The following FAM135A variants were observed in gnomAD, a reference collection of about 807,000 sequenced individuals.
FAM135A encodes the protein protein FAM135A.
FAM135A carries 79 observed loss-of-function variants against 146.8 expected under a neutral mutation model. The ratio of observed to expected loss-of-function variants is 0.54; its 90% confidence interval spans 0.45 to 0.65. FAM135A has a LOEUF of 0.65. Among genes scored for constraint, FAM135A ranks in the 30% least tolerant of loss-of-function variants. FAM135A has a pLI of 0.00. For missense variants in FAM135A, 1,623 were observed against 1,758.2 expected (o/e 0.92, Z 1.38); for synonymous variants, 562 against 603.6 (o/e 0.93, Z 1.01).
rs1156749990 is a variant in FAM135A, at chr6:70,525,444, T to C, written c.2360T>C (p.Leu787Ser). The change falls in exon 15 of 22, where the codon TTA becomes TCA. Residue 787 changes from leucine (L) to serine (S), a missense_variant. Leu to Ser is a moderately radical substitution (Grantham distance 145). Coordinates refer to ENST00000418814, the MANE Select transcript of FAM135A (RefSeq NM_001162529.3). ...TTTGCGACACATCCAAACACTGATTTAGTCTTTGAAACTGTGCAAGGGCAA... is the reference window on the plus strand; with the variant it reads ...TTTGCGACACATCCAAACACTGATTCAGTCTTTGAAACTGTGCAAGGGCAA... ...SSFATHPNTD[L>S]VFETVQGQGP... is the part of the protein sequence containing the mutation. The C allele has an allele frequency of 6.2e-7, 1 of 1,613,602 alleles. No individual in the cohort carries two copies. The highest frequency in any genetic ancestry group is 2.2e-5 in the East Asian group (1 of 44,862).
At chr6:70,518,076 G>A (rs1057411656) in intron 12 of FAM135A, among the ~76,000 whole-genome samples, 7 of 152,186 alleles carry the variant, frequency 4.6e-5, no homozygotes, top group Non-Finnish European at 7.3e-5. Flanking sequence ...TAGACTGCAA[G>A]GTAGGTCTCT....
intron 5 of FAM135A, among the ~76,000 whole-genome samples, chr6:70,458,632 G>A (rs1778830089): frequency 6.6e-6 from 1 of 152,082 alleles, no homozygotes; most frequent in Non-Finnish European, 1.5e-5. Context: ...AGTATTTCAT[G>A]CCAGTTTACC....
chr6:70,529,466 A>G, intron 16 of FAM135A, among the ~76,000 whole-genome samples: 1 of 151,366 alleles, frequency 6.6e-6, no homozygotes, highest in East Asian at 1.9e-4. Flanking sequence ...CAGACTCTCA[A>G]GAAATAAAAT....
rs371227539 is a variant in FAM135A at position 70,430,447 on chromosome 6, G to A, written c.77+2028G>A. Reference sequence around the variant, plus strand: ...CAAGCAAGTCACAGTGCGAGGTCACGAGTCAGGCTGGTGGCTTTTTGGCCA... The same window carrying A: ...CAAGCAAGTCACAGTGCGAGGTCACAAGTCAGGCTGGTGGCTTTTTGGCCA... On this transcript the variant is annotated intron_variant, in intron 4 of 21. Transcript: ENST00000418814. Among the ~76,000 whole-genome samples the A allele has an allele frequency of 1.1e-3, 169 of 152,298 alleles. 3 individuals are homozygous for A. The highest frequency in any genetic ancestry group is 3.4e-4 in the Non-Finnish European group (23 of 68,016).
chr6:70,483,802 A>C (rs1487066782), intron 10 of FAM135A, among the ~76,000 whole-genome samples: 1 of 152,226 alleles, frequency 6.6e-6, no homozygotes, highest in African/African-American at 2.4e-5. Flanking sequence ...TGTCATTTCT[A>C]CAAAAAAACC....
chr6:70,434,593 A>C (rs1037276898), intron 4 of FAM135A, among the ~76,000 whole-genome samples: 16 of 152,204 alleles, frequency 1.1e-4, no homozygotes, highest in Admixed American at 8.5e-4. Context: ...ACAAAAATGC[A>C]CCCGTCTGTG....
chr6:70,560,915 T>C lies in FAM135A; in HGVS notation c.*994T>C, dbSNP rs1028203784. ...TTGGTGATACAGATGCAAATGTTTT[T>C]GATATATGGAGATGTTGAGTCTTTT... On this transcript the variant is annotated 3_prime_UTR_variant, in exon 22 of 22. Coordinates refer to ENST00000418814, the MANE Select transcript of FAM135A (RefSeq NM_001162529.3). The C allele has an allele frequency of 6.6e-6, 1 of 152,584 alleles. No homozygotes were observed. The highest frequency in any genetic ancestry group is 1.5e-5 in the Non-Finnish European group (1 of 67,986). The allele number at this position is 152,584 out of a possible 1,614,324, so 9.5% of individuals were successfully genotyped here. A position where few individuals can be genotyped will look rare whatever the true frequency, so the allele number is the denominator to read the frequency against.
At chr6:70,504,293 G>A (rs1193876912) in intron 12 of FAM135A, 1 of 152,148 alleles carries the variant, frequency 6.6e-6, no homozygotes, top group Non-Finnish European at 1.5e-5. Flanking sequence ...CTATTCTAAT[G>A]TTTTGCCCAT....
Position 70,528,680 on chromosome 6 carries a change from C to G in FAM135A, c.3775+228C>G, listed in dbSNP as rs116263753. Reference sequence around the variant, plus strand: ...TTTCCATGGAACTGACACTCATGTGCCAACATTTTGTTTAATTTGGGATTT... The same window carrying G: ...TTTCCATGGAACTGACACTCATGTGGCAACATTTTGTTTAATTTGGGATTT... On this transcript the variant is annotated intron_variant, in intron 16 of 21. Transcript: ENST00000418814. Among the ~76,000 whole-genome samples, 464 of 140,056 alleles carry G rather than the reference C, an allele frequency of 3.3e-3. 1 individual carries two copies. The highest frequency in any genetic ancestry group is 0.012 in the African/African-American group (418 of 36,324). 91.9% of individuals were successfully genotyped at this position (140,056 alleles called of 152,430 possible).
intron 10 of FAM135A, chr6:70,486,090 A>G: frequency 7.9e-7 from 1 of 1,264,134 alleles, no homozygotes; most frequent in South Asian, 1.3e-5. Flanking sequence ...TCTATTATTA[A>G]CAAGTTGGAA....
At chr6:70,450,767 G>T (rs1776905567) in intron 4 of FAM135A, among the ~76,000 whole-genome samples, 1 of 81,794 alleles carries the variant, frequency 1.2e-5, no homozygotes, top group African/African-American at 4.3e-5. Flanking sequence ...TTGAGTCAGA[G>T]TCTCACTCTG....
At chr6:70,440,682 G>A (rs897418106) in intron 4 of FAM135A, among the ~76,000 whole-genome samples, 2 of 152,112 alleles carry the variant, frequency 1.3e-5, no homozygotes, top group Admixed American at 6.6e-5. Context: ...GAGCTTTTTT[G>A]TACATATAAA....
chr6:70,459,972 A>C lies in FAM135A; in HGVS notation c.157+7401A>C, dbSNP rs373365106. On this transcript the variant is annotated intron_variant, in intron 5 of 21. Transcript: ENST00000418814. The stretch of plus-strand genomic sequence containing the variant: ...CTTGAACCTGGGAGGTGGAGGTTGC[A>C]GTGAGCCAAGATCGCATCACTGCAC... Among the ~76,000 whole-genome samples the C allele has an allele frequency of 8.5e-5, 13 of 152,330 alleles. No individual in the cohort carries two copies. In the East Asian group the frequency reaches 1.2e-3, roughly 14 times the overall value.
chr6:70,442,285 C>A (rs1774730449), intron 4 of FAM135A, among the ~76,000 whole-genome samples: 1 of 135,574 alleles, frequency 7.4e-6, no homozygotes, highest in Admixed American at 8.1e-5. Context: ...GAGGAATAGG[C>A]AGTCAAAATA....
chr6:70,458,309 G>T (rs1303781888), intron 5 of FAM135A, among the ~76,000 whole-genome samples: 2 of 152,000 alleles, frequency 1.3e-5, no homozygotes, highest in Non-Finnish European at 2.9e-5. Flanking sequence ...AATTTTACCT[G>T]TCATGTCTGA....
At chr6:70,537,624 ATTGTTTTCC>A (rs1217761653) in intron 19 of FAM135A, among the ~76,000 whole-genome samples, 1 of 152,174 alleles carries the variant, frequency 6.6e-6, no homozygotes, top group Non-Finnish European at 1.5e-5. Flanking sequence ...CAATTAAAGG[ATTGTTTTCC>A]TTTAATTTTC....
At position 70,560,458 on chromosome 6, in the gene FAM135A, G is replaced by C. The variant is rs1379115530; in HGVS notation, c.*537G>C. The C allele has an allele frequency of 2.0e-5, 3 of 152,836 alleles. No homozygotes were observed. Among genetic ancestry groups the C allele is most frequent in the African/African-American group, 7.2e-5 (3 of 41,444 alleles). 9.5% of individuals were successfully genotyped at this position (152,836 alleles called of 1,614,324 possible). ...CTTTATCATACAATCAAACCAGGTA[G>C]TTCATATAAAACAGTGTAATACAAG... On this transcript the variant is annotated 3_prime_UTR_variant, in exon 22 of 22. Transcript: ENST00000418814.
At chr6:70,452,024 C>T (rs1275478027) in intron 4 of FAM135A, among the ~76,000 whole-genome samples, 2 of 150,688 alleles carry the variant, frequency 1.3e-5, no homozygotes, top group African/African-American at 4.9e-5. Context: ...ATAGCTCTGA[C>T]CTTGAAAAAA....
intron 5 of FAM135A, among the ~76,000 whole-genome samples, chr6:70,472,369 C>T (rs887692725): frequency 3.3e-5 from 5 of 152,064 alleles, no homozygotes; most frequent in East Asian, 1.9e-4. Context: ...ATATGTTTCC[C>T]GAAGCATCTC....
Sources: allele counts gnomAD v4.1 joint callset (sites outside exome capture counted in the v4.1 genomes callset), GRCh38; gene constraint gnomAD v4.1.1; transcripts MANE v1.5; gene names NCBI Gene and HGNC (gene_info 2026-07-23, HGNC 2026-07-21).